Variants in LAMC2 observed in about 807,000 individuals in gnomAD.
LAMC2 encodes laminin subunit gamma 2.
Under a neutral mutation model 140.2 loss-of-function variants are expected in LAMC2, and 97 were observed. The ratio of observed to expected loss-of-function variants is 0.69; its 90% confidence interval spans 0.59 to 0.82. LAMC2 has a LOEUF of 0.82. LAMC2 is among the 40% of genes least tolerant of loss of function. LAMC2 has a pLI of 0.00. For synonymous variants in LAMC2, 513 were observed against 540.2 expected (o/e 0.95, Z 0.70); for missense variants, 1,402 against 1,476.1 (o/e 0.95, Z 0.82).
rs559183843 is a variant in LAMC2 at position 183,233,186 on chromosome 1, TTCTC to T, written c.2220+330_2220+333del. 7.7e-4 allele frequency among the ~76,000 whole-genome samples: 118 copies of T among 152,330 alleles called. No individual in the cohort carries two copies. The South Asian group carries it at 8.5e-3, about 11-fold the overall frequency. On this transcript the variant is annotated intron_variant, in intron 14 of 22. Coordinates refer to ENST00000264144, the MANE Select transcript of LAMC2 (RefSeq NM_005562.3). ...GGATTTACTTTAGTTCATATTTACT[TTCTC>T]AGCCTACAACACAGTGTATAGCTGT...
chr1:183,247,067 T>C (rs1003799526), downstream of LAMC2, among the ~76,000 whole-genome samples: 1 of 152,216 alleles, frequency 6.6e-6, no homozygotes, highest in African/African-American at 2.4e-5. Flanking sequence ...TCCCAGCACT[T>C]TGGGAGGCCA....
chr1:183,239,937 C>T, intron 20 of LAMC2, 103 bp from the exon 21 acceptor site: 1 of 1,276,436 alleles, frequency 7.8e-7, no homozygotes, highest in Non-Finnish European at 1.1e-6. Flanking sequence ...TTTACTCCAT[C>T]AGGGCCCGGC....
intron 2 of LAMC2, among the ~76,000 whole-genome samples, chr1:183,208,375 C>T (rs1658966501): frequency 1.3e-5 from 2 of 152,162 alleles, no homozygotes; most frequent in Admixed American, 6.5e-5. Flanking sequence ...ACATTATTAA[C>T]TTTTCCAGGC....
At chr1:183,225,792 G>A in intron 8 of LAMC2, 72 bp downstream of exon 8, 1 of 1,015,720 alleles carries the variant, frequency 9.8e-7, no homozygotes, top group Admixed American at 1.7e-5. Context: ...CTCTAAGGTG[G>A]CGGCAGTCTC....
intron 22 of LAMC2, chr1:183,240,696 A>C: frequency 7.7e-7 from 1 of 1,300,708 alleles, no homozygotes; most frequent in Non-Finnish European, 9.8e-7. Context: ...AATCCTGCTA[A>C]AGAGTCTGGC....
At chr1:183,255,500 T>C in the LAMC2 span, among the ~76,000 whole-genome samples, 1 of 152,154 alleles carries the variant, frequency 6.6e-6, no homozygotes, top group Admixed American at 6.5e-5. Context: ...ATCTTTATAT[T>C]TCTTTAGGTA....
chr1:183,187,621 A>T (rs1026124632), intron 1 of LAMC2, among the ~76,000 whole-genome samples: 2 of 152,182 alleles, frequency 1.3e-5, no homozygotes, highest in African/African-American at 4.8e-5. Context: ...AAATATATAT[A>T]GTTTTAAAAA....
rs1558091096 is a variant in LAMC2 at position 183,223,275 on chromosome 1, C to T, written c.904C>T (p.Pro302Ser). 6.2e-7 allele frequency: 1 copy of T among 1,614,166 alleles called. No individual in the cohort carries two copies. Among genetic ancestry groups the T allele is most frequent in the South Asian group, 1.1e-5 (1 of 91,082 alleles). The change falls in exon 7 of 23, where the codon CCA becomes TCA. Residue 302 changes from proline (P) to serine (S), a missense_variant. Coordinates refer to ENST00000264144, the MANE Select transcript of LAMC2 (RefSeq NM_005562.3). ...AGLRITAPLM[P>S]LGKTLPCGLT... is the part of the protein sequence containing the mutation. ...TCTACGGATCACAGCTCCCTTGATG[C>T]CACTTGGCAAGACACTGCCTTGTGG...
intron 3 of LAMC2, among the ~76,000 whole-genome samples, chr1:183,217,172 C>A (rs1289814371): frequency 1.3e-5 from 2 of 152,132 alleles, no homozygotes; most frequent in Middle Eastern, 3.4e-3. Flanking sequence ...TGGGTGGGAT[C>A]ATAGGGCAGG....
At chr1:183,256,046 T>G in the LAMC2 span, among the ~76,000 whole-genome samples, 1 of 152,156 alleles carries the variant, frequency 6.6e-6, no homozygotes, top group Admixed American at 6.6e-5. Flanking sequence ...TATCAGGTCT[T>G]AGAGGAAAAG....
At chr1:183,220,763 A>G (rs953016694) in intron 4 of LAMC2, 62 bp from the exon 5 acceptor site, 6 of 1,506,794 alleles carry the variant, frequency 4.0e-6, no homozygotes, top group African/African-American at 2.8e-5. Context: ...CTCATTCATC[A>G]TATTTTTTCT....
intron 2 of LAMC2, among the ~76,000 whole-genome samples, chr1:183,215,156 T>A (rs1441429298): frequency 6.6e-6 from 1 of 152,162 alleles, no homozygotes; most frequent in East Asian, 1.9e-4. Flanking sequence ...ATCTTAAAGA[T>A]TTGATGGACT....
chr1:183,208,130 G>A, intron 2 of LAMC2, 61 bp downstream of exon 2: 1 of 1,420,916 alleles, frequency 7.0e-7, no homozygotes. Context: ...CAAGAGGGAA[G>A]GAAGGAAGGA....
chr1:183,239,673 T>C (rs1390498757), intron 20 of LAMC2, 110 bp downstream of exon 20: 14 of 927,634 alleles, frequency 1.5e-5, no homozygotes, highest in East Asian at 1.2e-4. Context: ...CAGAGCCCTG[T>C]TGTGGCCCAT....
intron 22 of LAMC2, 108 bp from the exon 23 acceptor site, chr1:183,243,039 T>C: frequency 8.2e-7 from 1 of 1,224,124 alleles, no homozygotes. Flanking sequence ...CTATTTGCTC[T>C]AGGCAAGTGG....
At position 183,215,478 on chromosome 1, in the gene LAMC2, C is replaced by T. The variant is rs72731403; in HGVS notation, c.294C>T (p.Asn98=). Residue 98 remains asparagine, a synonymous_variant, in exon 3 of 23, where the codon AAC becomes AAT. Coordinates refer to ENST00000264144, the MANE Select transcript of LAMC2 (RefSeq NM_005562.3). The part of the protein sequence containing the change: ...SKGSLSARCD[N]SGRCSCKPGV... ...GTTCTCTTAGTGCTCGATGTGACAACTCCGGACGGTGCAGCTGTAAACCAG... is the reference window on the plus strand; with the variant it reads ...GTTCTCTTAGTGCTCGATGTGACAATTCCGGACGGTGCAGCTGTAAACCAG... 1 of 1,614,132 alleles carries T rather than the reference C, an allele frequency of 6.2e-7. No homozygotes were observed. The highest frequency in any genetic ancestry group is 8.5e-7 in the Non-Finnish European group (1 of 1,180,024).
intron 4 of LAMC2, among the ~76,000 whole-genome samples, chr1:183,220,173 C>G (rs1659423653): frequency 2.6e-5 from 4 of 152,176 alleles, no homozygotes; most frequent in African/African-American, 7.2e-5. Flanking sequence ...TCGAGGATGC[C>G]CCTGTTAGTC....
rs1304142610 is a variant in LAMC2 at position 183,204,549 on chromosome 1, T to C, written c.80-3332T>C. On this transcript the variant is annotated intron_variant, in intron 1 of 22. Transcript: ENST00000264144. ...TGGGAGGCTGAGGTTGGAGAATCGC[T>C]TGAGCCCAGGAGGTTGAGGCTACAG... 2.0e-5 allele frequency among the ~76,000 whole-genome samples: 3 copies of C among 151,862 alleles called. No individual in the cohort carries two copies. In the South Asian group the frequency reaches 6.3e-4, roughly 32 times the overall value.
intron 14 of LAMC2, 74 bp from the exon 15 acceptor site, chr1:183,234,293 G>T: frequency 9.1e-7 from 1 of 1,095,274 alleles, no homozygotes; most frequent in Admixed American, 1.8e-5. Flanking sequence ...CAGGACAGAT[G>T]CACCTGCTTA....
Sources: gnomAD v4.1 joint callset for allele counts (sites outside exome capture counted in the v4.1 genomes callset) on GRCh38, gnomAD v4.1.1 for gene constraint, MANE v1.5 for transcripts, NCBI Gene and HGNC (gene_info 2026-07-23, HGNC 2026-07-21) for gene names.